SLC6A18: variants seen among roughly 807,000 people sequenced by gnomAD.
The protein encoded by SLC6A18 is solute carrier family 6 member 18, also known as inactive sodium-dependent neutral amino acid transporter B(0)AT3.
SLC6A18 carries 58 observed loss-of-function variants against 62.9 expected under a neutral mutation model. The observed-to-expected ratio is 0.92, with a 90% CI of 0.75 to 1.15. The LOEUF is 1.15. SLC6A18 is among the 50% of genes most tolerant of loss of function. SLC6A18 has a pLI of 0.00. For missense variants in SLC6A18, 793 were observed against 836.6 expected, an observed-to-expected ratio of 0.95 and a Z score of 0.64; for synonymous variants, 382 against 365.8, an observed-to-expected ratio of 1.04 and a Z score of -0.51.
Position 1,245,010 on chromosome 5 carries a change from T to C in SLC6A18, c.1656+243T>C, listed in dbSNP as rs182346130. 4.6e-4 allele frequency among the ~76,000 whole-genome samples: 70 copies of C among 152,206 alleles called. 1 individual carries two copies. In the East Asian group the frequency reaches 0.013, roughly 28 times the overall value. On this transcript the variant is annotated intron_variant, in intron 11 of 11. Transcript: ENST00000324642. ...ATGGGGGTGACCATGGGCAAGCGCC[T>C]GGTCAGTGGAGTGAGGACCTGAGCA...
At chr5:1,239,198 G>A (rs891643421) in intron 5 of SLC6A18, among the ~76,000 whole-genome samples, 22 of 152,344 alleles carry the variant, frequency 1.4e-4, no homozygotes, top group African/African-American at 4.6e-4. Flanking sequence ...TGCCAGCTAC[G>A]TTCTCATGTG....
chr5:1,232,993 C>T (rs979879516), intron 3 of SLC6A18, 105 bp downstream of exon 3: 42 of 1,478,750 alleles, frequency 2.8e-5, no homozygotes, highest in East Asian at 1.4e-4. Context: ...ATGCTCACCG[C>T]GGGGGGAGGG....
Position 1,232,203 on chromosome 5 carries a change from C to G in SLC6A18, c.161-16C>G, listed in dbSNP as rs754885735. The G allele has an allele frequency of 2.6e-5, 41 of 1,606,652 alleles. No individual in the cohort carries two copies. In the South Asian group the frequency reaches 2.8e-4, roughly 11 times the overall value. ...CCCCCGACCCTGGGCAGGTGCTGACCACCCCCTCCTCACAGGGGCCTTCCT... is the reference window on the plus strand; with the variant it reads ...CCCCCGACCCTGGGCAGGTGCTGACGACCCCCTCCTCACAGGGGCCTTCCT... On this transcript the variant is annotated splice_polypyrimidine_tract_variant and intron_variant, in intron 1 of 11. Transcript: ENST00000324642.
At chr5:1,233,958 G>T (rs1307710806) in intron 3 of SLC6A18, among the ~76,000 whole-genome samples, 1 of 152,058 alleles carries the variant, frequency 6.6e-6, no homozygotes, top group East Asian at 1.9e-4. Context: ...AGCCAGGATG[G>T]TCTCGATCTC....
chr5:1,243,773 T>C lies in SLC6A18; in HGVS notation c.1336+14T>C. The C allele has an allele frequency of 6.3e-7, 1 of 1,581,068 alleles. No individual in the cohort carries two copies. Among genetic ancestry groups the C allele is most frequent in the Non-Finnish European group, 8.6e-7 (1 of 1,162,614 alleles). On this transcript the variant is annotated intron_variant, in intron 9 of 11. Transcript: ENST00000324642. This position sits in a 1 kb window ranked among gnomAD's most constrained non-coding sequence, Gnocchi z 6.5. ...AGGCCCTGACTGGTGAGCGCACAGCTCCGCCGCCCTGGAGGACCCGTCCCC... is the reference window on the plus strand; with the variant it reads ...AGGCCCTGACTGGTGAGCGCACAGCCCCGCCGCCCTGGAGGACCCGTCCCC...
chr5:1,239,675 A>G, intron 6 of SLC6A18, 113 bp downstream of exon 6: 1 of 807,230 alleles, frequency 1.2e-6, no homozygotes, highest in South Asian at 1.6e-5. Flanking sequence ...TGAACCTGAG[A>G]TAAGAACCTC....
chr5:1,244,855 CA>C, intron 11 of SLC6A18, 88 bp downstream of exon 11: 1 of 1,422,354 alleles, frequency 7.0e-7, no homozygotes, highest in Admixed American at 2.3e-5. Context: ...CCCGACGACC[CA>C]TGCGGTGCAC....
intron 9 of SLC6A18, 37 bp from the exon 10 acceptor site, chr5:1,244,177 T>TTCCCCCCCCACCCCCTTCCCCCCC: frequency 2.6e-6 from 1 of 387,122 alleles, no homozygotes; most frequent in Non-Finnish European, 4.7e-6. Flanking sequence ...CCACTCCCCA[T>TTCCCCCCCCACCCCCTTCCCCCCC]CCCCTTACCC....
intron 4 of SLC6A18, among the ~76,000 whole-genome samples, chr5:1,237,201 A>T (rs1448288259): frequency 7.1e-6 from 1 of 140,460 alleles, no homozygotes; most frequent in Admixed American, 7.9e-5. Context: ...AGATTGGGCC[A>T]TTGCACTCCA....
chr5:1,233,034 C>T, intron 3 of SLC6A18, 146 bp downstream of exon 3: 5 of 1,214,434 alleles, frequency 4.1e-6, no homozygotes, highest in Non-Finnish European at 5.6e-6. Context: ...TGTGCACATG[C>T]ACGCGCCTCG....
At chr5:1,233,018 G>C in intron 3 of SLC6A18, 130 bp downstream of exon 3, 1 of 1,364,166 alleles carries the variant, frequency 7.3e-7, no homozygotes, top group Non-Finnish European at 9.8e-7. Flanking sequence ...GGAACCGGTT[G>C]CTCTGTGTGC....
At chr5:1,226,973 C>CGCCTTGCCCACCAAT (rs1554035894) in intron 1 of SLC6A18, among the ~76,000 whole-genome samples, 1 of 101,930 alleles carries the variant, frequency 9.8e-6, no homozygotes, top group Non-Finnish European at 2.1e-5. Context: ...TGCCCACCGA[C>CGCCTTGCCCACCAAT]GCCTTGCCCA....
chr5:1,229,590 G>A (rs1746670159), intron 1 of SLC6A18, among the ~76,000 whole-genome samples: 1 of 152,182 alleles, frequency 6.6e-6, no homozygotes, highest in South Asian at 2.1e-4. Context: ...CTGGAACCCG[G>A]AGCCCCTGCC....
intron 3 of SLC6A18, among the ~76,000 whole-genome samples, chr5:1,234,465 GC>G (rs990702986): frequency 3.9e-5 from 6 of 152,244 alleles, no homozygotes; most frequent in Non-Finnish European, 7.3e-5. Context: ...GCTATCTGCA[GC>G]CCGAGTTCCT....
In SLC6A18 at chr5:1,242,794, C is replaced by T. The variant is rs142280497; in HGVS notation, c.1062C>T (p.Asn354=). Residue 354 remains asparagine, a synonymous_variant, in exon 8 of 12, where the codon AAC becomes AAT. Coordinates refer to ENST00000324642, the MANE Select transcript of SLC6A18 (RefSeq NM_182632.3). ...DDYPAVLMHL[N]ATWPKRVAQL... ...ACCCAGCCGTCCTCATGCACCTGAACGCCACCTGGCCCAAGAGGGTGGCCC... is the reference window on the plus strand; with the variant it reads ...ACCCAGCCGTCCTCATGCACCTGAATGCCACCTGGCCCAAGAGGGTGGCCC... 1.6e-4 allele frequency: 254 copies of T among 1,614,038 alleles called. No individual in the cohort carries two copies. In the Middle Eastern group the frequency reaches 2.1e-3, roughly 14 times the overall value.
intron 3 of SLC6A18, among the ~76,000 whole-genome samples, chr5:1,234,108 C>A (rs1455007334): frequency 2.0e-5 from 3 of 151,978 alleles, no homozygotes; most frequent in Non-Finnish European, 2.9e-5. Flanking sequence ...GATCTTGAAC[C>A]CTTGGGTTCA....
At chr5:1,226,975 C>CCTTGCCCACCGATGT (rs1746591697) in intron 1 of SLC6A18, among the ~76,000 whole-genome samples, 2 of 150,220 alleles carry the variant, frequency 1.3e-5, no homozygotes, top group Admixed American at 6.6e-5. Context: ...CCCACCGACG[C>CCTTGCCCACCGATGT]CTTGCCCACC....
chr5:1,229,889 G>T (rs370749146), intron 1 of SLC6A18, among the ~76,000 whole-genome samples: 3 of 114,454 alleles, frequency 2.6e-5, no homozygotes, highest in African/African-American at 3.1e-5. Context: ...CTCTCACAGC[G>T]CAGGCTAAAG....
chr5:1,245,860 T>C lies in SLC6A18; in HGVS notation c.1669T>C (p.Ser557Pro), dbSNP rs1441035978. Residue 557 changes from serine to proline, a missense_variant, in exon 12 of 12, where the codon TCG becomes CCG. Physicochemically the swap from Ser to Pro is moderately conservative, Grantham distance 74. Transcript: ENST00000324642. ...AWNPKYELFPSRQEKLYPGWA... is the reference protein window; with the variant it reads ...AWNPKYELFPPRQEKLYPGWA... ...TGTGGTCCCGCAGGAGCTGTTCCCC[T>C]CGCGTCAGGAGAAGCTCTACCCGGG... is the stretch of plus-strand genomic sequence containing the variant. The C allele has an allele frequency of 6.2e-7, 1 of 1,607,542 alleles. No homozygotes were observed.
Sources: allele counts gnomAD v4.1 joint callset (sites outside exome capture counted in the v4.1 genomes callset), GRCh38; gene constraint gnomAD v4.1.1; non-coding constraint Gnocchi (gnomAD v3.1); transcripts MANE v1.5; gene names NCBI Gene and HGNC (gene_info 2026-07-23, HGNC 2026-07-21).